The following CD109 variants were observed in gnomAD, a reference collection of about 807,000 sequenced individuals.
CD109 encodes CD109 antigen.
CD109 carries 149 observed loss-of-function variants against 165.8 expected under a neutral mutation model. That is an observed-to-expected ratio of 0.90 (90% CI 0.79 to 1.03). The LOEUF (loss-of-function observed/expected upper bound fraction) is 1.03. Among genes scored for constraint, CD109 ranks in the 50% least tolerant of loss-of-function variants. The pLI, the probability that CD109 is intolerant of heterozygous loss-of-function variation, is 0.00. For missense variants in CD109, 1,712 were observed against 1,677.8 expected (o/e 1.02, Z -0.36); for synonymous variants, 585 against 592.1 (o/e 0.99, Z 0.18).
chr6:73,803,182 A>T, intron 23 of CD109, 38 bp from the exon 24 acceptor site: 2 of 1,390,816 alleles, frequency 1.4e-6, no homozygotes, highest in Non-Finnish European at 2.0e-6. Context: ...ATTGCAAGTT[A>T]ATGATTACTT....
At chr6:73,804,680 C>T (rs778942072) in intron 24 of CD109, among the ~76,000 whole-genome samples, 2 of 152,198 alleles carry the variant, frequency 1.3e-5, no homozygotes, top group Non-Finnish European at 2.9e-5. Flanking sequence ...AGAAAAATAT[C>T]ATTTTCCCCA....
In CD109 at chr6:73,827,153, TA is replaced by T. The variant is rs1776301864; in HGVS notation, c.*3525del. Reference sequence around the variant, plus strand: ...GAATGATTGAATACTCATTTCTTTCTAAAAATATGTTGTAAATTCTCCCTTG... The same window carrying T: ...GAATGATTGAATACTCATTTCTTTCTAAAATATGTTGTAAATTCTCCCTTG... On this transcript the variant is annotated 3_prime_UTR_variant, in exon 33 of 33. Transcript: ENST00000287097. 1 of 152,202 alleles carries T rather than the reference TA, an allele frequency of 6.6e-6. No individual in the cohort carries two copies. The highest frequency in any genetic ancestry group is 1.9e-4 in the East Asian group (1 of 5,200). 9.4% of individuals were successfully genotyped at this position (152,202 alleles called of 1,614,324 possible).
rs765265288 is a variant in CD109 at position 73,771,520 on chromosome 6, T to C, written c.1766T>C (p.Ile589Thr). Residue 589 changes from isoleucine (I) to threonine (T), a missense_variant, in exon 15 of 33, where the codon ATT (isoleucine) becomes ACT (threonine). Transcript: ENST00000287097. ...ACACAGCCTGACTCCATAGTTGGGA[T>C]TGTAGCTGTTGACAAAAGTGTGAAT... ...SVTQPDSIVG[I>T]VAVDKSVNLM... is the part of the protein sequence containing the mutation. The C allele has an allele frequency of 9.3e-6, 15 of 1,610,252 alleles. No individual in the cohort carries two copies. The East Asian group carries it at 3.4e-4, about 36-fold the overall frequency.
intron 4 of CD109, 127 bp downstream of exon 4, chr6:73,730,701 A>C: frequency 1.5e-6 from 1 of 647,506 alleles, no homozygotes. Flanking sequence ...CCCTCCCAAC[A>C]TGGAACTCCT....
chr6:73,805,965 A>G (rs1387658582), intron 24 of CD109, among the ~76,000 whole-genome samples: 1 of 152,126 alleles, frequency 6.6e-6, no homozygotes, highest in African/African-American at 2.4e-5. Context: ...CACAGCAACA[A>G]TCTGATCTCT....
chr6:73,820,636 C>T (rs1398215695), intron 32 of CD109, 73 bp downstream of exon 32: 3 of 903,388 alleles, frequency 3.3e-6, no homozygotes, highest in Non-Finnish European at 5.2e-6. Context: ...GAAGTGACCA[C>T]ACATTGGATT....
At chr6:73,694,881 A>G (rs1770765543), upstream of CD109, 1 of 152,316 alleles carries the variant, frequency 6.6e-6, no homozygotes, top group Non-Finnish European at 1.5e-5. Context: ...ACTTTTGACC[A>G]TTCCTAAGTC....
At chr6:73,705,363 G>C (rs1015406598) in intron 2 of CD109, among the ~76,000 whole-genome samples, 2 of 152,166 alleles carry the variant, frequency 1.3e-5, no homozygotes, top group African/African-American at 4.8e-5. Flanking sequence ...AAAAAGACCA[G>C]ACACAGTGGC....
chr6:73,803,689 T>TTGTGTGTGTG (rs71000156), intron 24 of CD109, among the ~76,000 whole-genome samples: 2,938 of 149,498 alleles, frequency 0.02, 39 homozygotes, highest in East Asian at 0.026. Flanking sequence ...TAGTTTAAGT[T>TTGTGTGTGTG]TGTGTGTGTG....
intron 23 of CD109, among the ~76,000 whole-genome samples, chr6:73,797,575 T>A (rs555250957): frequency 3.0e-5 from 1 of 33,162 alleles, no homozygotes; most frequent in South Asian, 5.8e-4. Flanking sequence ...TACAGAGAAT[T>A]TTTTTTATCA....
At chr6:73,701,178 G>A (rs923157028) in intron 2 of CD109, among the ~76,000 whole-genome samples, 1 of 149,664 alleles carries the variant, frequency 6.7e-6, no homozygotes, top group Non-Finnish European at 1.5e-5. Flanking sequence ...GCAGAGTTCT[G>A]GGAAGGTGTA....
At chr6:73,737,733 A>G (rs1174642546) in intron 5 of CD109, among the ~76,000 whole-genome samples, 2 of 152,180 alleles carry the variant, frequency 1.3e-5, no homozygotes, top group African/African-American at 4.8e-5. Flanking sequence ...CATTTGTGAA[A>G]CTTAGAAAAT....
chr6:73,693,987 G>C (rs1165832824), upstream of CD109: 1 of 151,832 alleles, frequency 6.6e-6, no homozygotes, highest in Non-Finnish European at 1.5e-5. Context: ...CCAGGTTCAA[G>C]CAATTCTCTT....
chr6:73,794,108 A>G (rs1194569894), intron 23 of CD109, among the ~76,000 whole-genome samples: 2 of 152,174 alleles, frequency 1.3e-5, no homozygotes, highest in Admixed American at 1.3e-4. Context: ...ATTCTATGTA[A>G]TGACAGTAAT....
rs1776174299 is a variant in CD109, at chr6:73,823,522, T to A, written c.4227T>A (p.Asp1409Glu). 2 of 1,614,092 alleles carry A rather than the reference T, an allele frequency of 1.2e-6. No individual in the cohort carries two copies. Among genetic ancestry groups the A allele is most frequent in the Non-Finnish European group, 1.7e-6 (2 of 1,179,968 alleles). The change falls in exon 33 of 33, where the codon GAT (aspartate) becomes GAA (glutamate). Residue 1409 changes from aspartate to glutamate, a missense_variant. Coordinates refer to ENST00000287097, the MANE Select transcript of CD109 (RefSeq NM_133493.5). ...VKLSSCDLCSDVQGCRPCEDG... is the reference protein window; with the variant it reads ...VKLSSCDLCSEVQGCRPCEDG... ...TGTCCTCCTGTGACCTTTGCAGTGA[T>A]GTCCAGGGCTGCCGTCCTTGTGAGG...
intron 31 of CD109, among the ~76,000 whole-genome samples, chr6:73,819,369 T>TGAAGAATTCCA (rs1457318074): frequency 6.6e-6 from 1 of 151,324 alleles, no homozygotes; most frequent in East Asian, 2.0e-4. Flanking sequence ...GAAAGGTAAG[T>TGAAGAATTCCA]GAAGAATTCC....
Position 73,811,124 on chromosome 6 carries a change from C to T in CD109, c.3679C>T (p.Arg1227Cys), listed in dbSNP as rs370006037. The T allele has an allele frequency of 3.6e-5, 58 of 1,613,048 alleles. No homozygotes were observed. In the South Asian group the frequency reaches 4.5e-4, roughly 13 times the overall value. ...AAAGTTTCTGATTGACACACACAAC[C>T]GCTTACTCCTTCAGACAGCAGAGGT... ...PVKFLIDTHN[R>C]LLLQTAELAV... Residue 1227 changes from arginine to cysteine, a missense_variant, in exon 28 of 33, where the codon CGC becomes TGC. Coordinates refer to ENST00000287097, the MANE Select transcript of CD109 (RefSeq NM_133493.5).
intron 3 of CD109, among the ~76,000 whole-genome samples, chr6:73,729,532 T>TATTATA (rs1471279846): frequency 7.2e-6 from 1 of 139,064 alleles, no homozygotes; most frequent in Non-Finnish European, 1.6e-5. Flanking sequence ...TTATTATTAT[T>TATTATA]ATTTTGAGAC....
At chr6:73,770,582 T>TA (rs1774000879) in intron 14 of CD109, among the ~76,000 whole-genome samples, 2 of 151,984 alleles carry the variant, frequency 1.3e-5, no homozygotes, top group African/African-American at 4.8e-5. Flanking sequence ...CTGTCTCTAC[T>TA]AAAAAAGTTA....
Sources: allele counts gnomAD v4.1 joint callset (sites outside exome capture counted in the v4.1 genomes callset), GRCh38; gene constraint gnomAD v4.1.1; transcripts MANE v1.5; gene names NCBI Gene and HGNC (gene_info 2026-07-23, HGNC 2026-07-21).